Variants in MALRD1 observed in about 807,000 individuals in gnomAD.
The protein encoded by MALRD1 is MAM and LDL receptor class A domain containing 1, also known as MAM and LDL-receptor class A domain-containing protein 1.
A neutral mutation model predicts 242.1 loss-of-function variants in MALRD1; 247 were observed. The observed-to-expected ratio is 1.02, with a 90% CI of 0.92 to 1.13. MALRD1 has a LOEUF of 1.13. MALRD1 is among the 50% of genes most tolerant of loss of function. The pLI is 0.00. For missense variants in MALRD1, 2,989 were observed against 2,533.1 expected, an observed-to-expected ratio of 1.18 and a Z score of -3.86; for synonymous variants, 995 against 866.6, an observed-to-expected ratio of 1.15 and a Z score of -2.60.
chr10:19,259,390 A>T (rs1839649829), intron 19 of MALRD1, among the ~76,000 whole-genome samples: 1 of 152,154 alleles, frequency 6.6e-6, no homozygotes, highest in Non-Finnish European at 1.5e-5. Context: ...TTATAAAGAA[A>T]GGTGATTTAA....
intron 36 of MALRD1, among the ~76,000 whole-genome samples, chr10:19,626,730 G>GAA (rs577461299): frequency 3.6e-5 from 5 of 139,482 alleles, no homozygotes; most frequent in East Asian, 2.1e-4. Context: ...TAAATGGATA[G>GAA]AAAAAAAAAA....
intron 23 of MALRD1, among the ~76,000 whole-genome samples, chr10:19,330,899 A>G (rs1843332846): frequency 6.6e-6 from 1 of 152,122 alleles, no homozygotes; most frequent in African/African-American, 2.4e-5. Context: ...CTTATCTTTT[A>G]GCTTTCAAAT....
rs148785832 is a variant in MALRD1 at position 19,236,768 on chromosome 10, G to T, written c.2992-20916G>T. Among the ~76,000 whole-genome samples the T allele has an allele frequency of 5.6e-3, 851 of 152,034 alleles. 12 individuals are homozygous for T. The highest frequency in any genetic ancestry group is 0.02 in the African/African-American group (820 of 41,490). On this transcript the variant is annotated intron_variant, in intron 18 of 39. Coordinates refer to ENST00000454679, the MANE Select transcript of MALRD1 (RefSeq NM_001142308.3). ...TCAGATACGTTTTTCATTTTTATAAGCTTCATCTAAAAGCAGAGTTCACCT... is the reference window on the plus strand; with the variant it reads ...TCAGATACGTTTTTCATTTTTATAATCTTCATCTAAAAGCAGAGTTCACCT...
chr10:19,603,731 C>T (rs1385565632), intron 34 of MALRD1, among the ~76,000 whole-genome samples: 1 of 152,030 alleles, frequency 6.6e-6, no homozygotes, highest in African/African-American at 2.4e-5. Context: ...GTGTCTGTAT[C>T]CCATTTTAAT....
intron 31 of MALRD1, among the ~76,000 whole-genome samples, chr10:19,512,899 T>G (rs1429437950): frequency 6.6e-6 from 1 of 152,182 alleles, no homozygotes; most frequent in Non-Finnish European, 1.5e-5. Context: ...AATGGAAGAT[T>G]TAAGGACTCA....
chr10:19,629,539 T>C (rs913830751), intron 36 of MALRD1, among the ~76,000 whole-genome samples: 1 of 152,162 alleles, frequency 6.6e-6, no homozygotes, highest in East Asian at 1.9e-4. Flanking sequence ...AAAATGTTTC[T>C]ACACAGTTTT....
chr10:19,119,990 A>C (rs1335322915), intron 5 of MALRD1, among the ~76,000 whole-genome samples: 1 of 152,176 alleles, frequency 6.6e-6, no homozygotes, highest in Admixed American at 6.5e-5. Context: ...ACCCGAGGGA[A>C]GAGGCTTAAG....
chr10:19,661,284 G>A (rs1229240549), intron 36 of MALRD1, among the ~76,000 whole-genome samples: 1 of 152,028 alleles, frequency 6.6e-6, no homozygotes, highest in Admixed American at 6.6e-5. Flanking sequence ...CCCATTACTG[G>A]GTATATACCC....
intron 9 of MALRD1, 78 bp from the exon 10 acceptor site, chr10:19,136,496 G>A: frequency 1.2e-6 from 1 of 821,534 alleles, no homozygotes; most frequent in African/African-American, 1.8e-5. Context: ...TAACTACTTT[G>A]TCTTTATCAA....
In MALRD1 at chr10:19,056,189, T is replaced by C. The variant is rs544708131; in HGVS notation, c.199+7052T>C. Among the ~76,000 whole-genome samples, 3 of 152,290 alleles carry C rather than the reference T, an allele frequency of 2.0e-5. No individual in the cohort carries two copies. The East Asian group carries it at 5.8e-4, about 29-fold the overall frequency. On this transcript the variant is annotated intron_variant, in intron 1 of 39. Transcript: ENST00000454679. Reference sequence around the variant, plus strand: ...TTGGCTACTTGGAATCTTTTGTGATTTCATATGGATTTAAGTTTTTTTTTC... The same window carrying C: ...TTGGCTACTTGGAATCTTTTGTGATCTCATATGGATTTAAGTTTTTTTTTC...
chr10:19,387,362 C>T (rs1564294845), intron 26 of MALRD1, among the ~76,000 whole-genome samples, 166 bp from the exon 27 acceptor site: 1 of 150,200 alleles, frequency 6.7e-6, no homozygotes, highest in South Asian at 2.1e-4. Flanking sequence ...TAGGTTAGAG[C>T]TCTGGAGCAG....
Position 19,668,897 on chromosome 10 carries a change from G to A in MALRD1, c.6138-23385G>A, listed in dbSNP as rs1219304049. Among the ~76,000 whole-genome samples, 11 of 152,144 alleles carry A rather than the reference G, an allele frequency of 7.2e-5. No homozygotes were observed. In the South Asian group the frequency reaches 1.0e-3, roughly 14 times the overall value. Reference sequence around the variant, plus strand: ...GAGAGAACAGAGAAAATGGACCAGGGAGAAAATGGTAAAATAAATAATGAA... The same window carrying A: ...GAGAGAACAGAGAAAATGGACCAGGAAGAAAATGGTAAAATAAATAATGAA... On this transcript the variant is annotated intron_variant, in intron 36 of 39. Transcript: ENST00000454679.
At chr10:19,101,848 A>T (rs1836272059) in intron 4 of MALRD1, among the ~76,000 whole-genome samples, 1 of 136,780 alleles carries the variant, frequency 7.3e-6, no homozygotes, top group Non-Finnish European at 1.5e-5. Context: ...CTACTTGGAG[A>T]TATATCTATA....
At chr10:19,240,091 A>G (rs1319969270) in intron 18 of MALRD1, among the ~76,000 whole-genome samples, 5 of 152,196 alleles carry the variant, frequency 3.3e-5, no homozygotes, top group Non-Finnish European at 5.9e-5. Context: ...TTTTGTTAGT[A>G]TGGTCATTTC....
intron 11 of MALRD1, among the ~76,000 whole-genome samples, chr10:19,147,210 T>C (rs1833755274): frequency 6.6e-6 from 1 of 152,198 alleles, no homozygotes; most frequent in South Asian, 2.1e-4. Context: ...TTCAACCTCA[T>C]TGAACATTAT....
At chr10:19,477,545 C>T (rs949714652) in intron 29 of MALRD1, among the ~76,000 whole-genome samples, 12 of 152,060 alleles carry the variant, frequency 7.9e-5, no homozygotes, top group Non-Finnish European at 1.8e-4. Flanking sequence ...GGGGCAAACA[C>T]CTGGGGTTCA....
At chr10:19,369,474 T>C (rs1421500022) in intron 26 of MALRD1, among the ~76,000 whole-genome samples, 1 of 148,788 alleles carries the variant, frequency 6.7e-6, no homozygotes, top group Non-Finnish European at 1.5e-5. Context: ...AGTTTTTTTA[T>C]ATACTCTGGA....
rs116047661 is a variant in MALRD1, at chr10:19,136,726, C to A, written c.1356C>A (p.Val452=). 5 of 1,231,554 alleles carry A rather than the reference C, an allele frequency of 4.1e-6. No homozygotes were observed. The highest frequency in any genetic ancestry group is 5.1e-6 in the Non-Finnish European group (5 of 987,988). 76.3% of individuals were successfully genotyped at this position (1,231,554 alleles called of 1,614,324 possible). A position where few individuals can be genotyped will look rare whatever the true frequency, so the allele number is the denominator to read the frequency against. ...TSGQCIAKES[V]CDSRQDCSDE... is the part of the protein sequence containing the mutation. Reference sequence around the variant, plus strand: ...GCCAGTGCATCGCCAAAGAATCTGTCTGTGACTCTCGGCAGGACTGCTCCG... The same window carrying A: ...GCCAGTGCATCGCCAAAGAATCTGTATGTGACTCTCGGCAGGACTGCTCCG... The change falls in exon 10 of 40, where the codon GTC becomes GTA. Residue 452 remains valine, a synonymous_variant. Transcript: ENST00000454679.
At chr10:19,247,764 A>G (rs998894508) in intron 18 of MALRD1, among the ~76,000 whole-genome samples, 3 of 152,098 alleles carry the variant, frequency 2.0e-5, no homozygotes, top group Admixed American at 2.0e-4. Flanking sequence ...TTAAAGTTAC[A>G]TTTCAAATGA....
Sources: gnomAD v4.1 joint callset for allele counts (sites outside exome capture counted in the v4.1 genomes callset) on GRCh38, gnomAD v4.1.1 for gene constraint, MANE v1.5 for transcripts, NCBI Gene and HGNC (gene_info 2026-07-23, HGNC 2026-07-21) for gene names.